FHIT: variants seen among roughly 807,000 people sequenced by gnomAD.
FHIT encodes the protein fragile histidine triad diadenosine triphosphatase.
In FHIT, 19 loss-of-function variants were observed where a neutral mutation model predicts 17.9. The ratio of observed to expected loss-of-function variants is 1.06; its 90% CI spans 0.74 to 1.56. The LOEUF is 1.56. Among genes scored for constraint, FHIT ranks in the 40% most tolerant of loss-of-function variants. The pLI is 0.00. For synonymous variants in FHIT, 81 were observed against 69.7 expected, an observed-to-expected ratio of 1.16 and a Z score of -0.81; for missense variants, 248 against 189.2, an observed-to-expected ratio of 1.31 and a Z score of -1.82.
chr3:61,203,927 C>CA (rs1364054362), intron 1 of FHIT, among the ~76,000 whole-genome samples: 2 of 152,116 alleles, frequency 1.3e-5, no homozygotes, highest in South Asian at 4.1e-4. Context: ...GCCAGGATGG[C>CA]AAAAAATACA....
chr3:61,063,243 G>A (rs895458020), intron 2 of FHIT, among the ~76,000 whole-genome samples: 4 of 36,648 alleles, frequency 1.1e-4, no homozygotes, highest in Admixed American at 8.6e-4. Context: ...GCGACAGAGC[G>A]AGACTCTGTC....
chr3:60,441,792 A>ACATGTGTGTGTGTG (rs2030885316), intron 5 of FHIT, among the ~76,000 whole-genome samples: 3 of 13,840 alleles, frequency 2.2e-4, no homozygotes, highest in Non-Finnish European at 5.3e-4. Context: ...AAATATATAT[A>ACATGTGTGTGTGTG]TATATATATA....
At chr3:60,603,903 G>A (rs1398983396) in intron 4 of FHIT, among the ~76,000 whole-genome samples, 3 of 151,986 alleles carry the variant, frequency 2.0e-5, no homozygotes, top group Non-Finnish European at 4.4e-5. Flanking sequence ...CTATGTGCCC[G>A]GCTGCATGCC....
chr3:59,806,551 C>G (rs1044239634), intron 8 of FHIT, among the ~76,000 whole-genome samples: 6 of 152,066 alleles, frequency 3.9e-5, no homozygotes, highest in African/African-American at 1.4e-4. Context: ...CTGCTTGACT[C>G]TCTCCTACCA....
At chr3:60,341,577 T>G (rs540542291) in intron 5 of FHIT, among the ~76,000 whole-genome samples, 1 of 152,276 alleles carries the variant, frequency 6.6e-6, no homozygotes, top group African/African-American at 2.4e-5. Context: ...ATTGGTTGCT[T>G]TTTCCTGCTC....
intron 5 of FHIT, among the ~76,000 whole-genome samples, chr3:60,306,322 G>A (rs903405877): frequency 1.3e-5 from 2 of 152,060 alleles, no homozygotes; most frequent in Admixed American, 6.6e-5. Flanking sequence ...AATACATCCC[G>A]CATTATTTCA....
At chr3:60,554,408 T>C (rs2036674335) in intron 4 of FHIT, among the ~76,000 whole-genome samples, 1 of 152,184 alleles carries the variant, frequency 6.6e-6, no homozygotes, top group South Asian at 2.1e-4. Context: ...GTAATCAAAA[T>C]TTCTACTATA....
chr3:60,157,874 T>C (rs1700770444), intron 5 of FHIT, among the ~76,000 whole-genome samples: 1 of 152,036 alleles, frequency 6.6e-6, no homozygotes, highest in Admixed American at 6.5e-5. Flanking sequence ...TCTGAGCTTT[T>C]TGCTTTAGTG....
chr3:59,788,881 G>GTTTTTTTTTTTTTTTTTGTTT (rs60361063), intron 8 of FHIT, among the ~76,000 whole-genome samples: 1 of 86,804 alleles, frequency 1.2e-5, no homozygotes, highest in Non-Finnish European at 2.0e-5. Context: ...GAGTTCATAT[G>GTTTTTTTTTTTTTTTTTGTTT]TTTTTTTTTT....
At chr3:60,394,269 C>A (rs1230584385) in intron 5 of FHIT, among the ~76,000 whole-genome samples, 1 of 152,166 alleles carries the variant, frequency 6.6e-6, no homozygotes, top group South Asian at 2.1e-4. Context: ...CTCTAAATTA[C>A]AGTTCTTAAC....
chr3:59,795,833 T>G (rs1054609632), intron 8 of FHIT, among the ~76,000 whole-genome samples: 1 of 152,196 alleles, frequency 6.6e-6, no homozygotes, highest in Admixed American at 6.5e-5. Flanking sequence ...AAAAAGTGGC[T>G]GCCAGGGGAT....
intron 5 of FHIT, among the ~76,000 whole-genome samples, chr3:60,414,012 T>C (rs992408434): frequency 2.6e-5 from 4 of 152,114 alleles, no homozygotes; most frequent in East Asian, 1.9e-4. Context: ...TAACTACAAA[T>C]TGTGATAGAA....
intron 5 of FHIT, among the ~76,000 whole-genome samples, chr3:60,142,354 T>C (rs902333053): frequency 2.0e-5 from 3 of 152,242 alleles, no homozygotes; most frequent in African/African-American, 7.2e-5. Context: ...AAGTATTCAA[T>C]AAATGCTAAC....
intron 8 of FHIT, among the ~76,000 whole-genome samples, chr3:59,861,520 T>C (rs552096892): frequency 1.5e-4 from 23 of 152,218 alleles, no homozygotes; most frequent in Non-Finnish European, 3.2e-4. Context: ...TTCTTAAAAA[T>C]TTCCCCATCA....
intron 5 of FHIT, among the ~76,000 whole-genome samples, chr3:60,493,810 G>A (rs73100291): frequency 0.048 from 7,245 of 152,124 alleles, 230 homozygotes; most frequent in Middle Eastern, 0.085. Flanking sequence ...TATTCCAAGG[G>A]AAAATTATTA....
chr3:60,054,418 T>C (rs1702000989), intron 5 of FHIT, among the ~76,000 whole-genome samples: 1 of 152,100 alleles, frequency 6.6e-6, no homozygotes, highest in African/African-American at 2.4e-5. Context: ...TACTGACAAA[T>C]GTAAATGCAC....
chr3:60,002,773 A>AT (rs1473855302), intron 7 of FHIT, among the ~76,000 whole-genome samples: 1 of 152,142 alleles, frequency 6.6e-6, no homozygotes, highest in Non-Finnish European at 1.5e-5. Flanking sequence ...TGACTTTGGC[A>AT]TAAAGGGTAA....
intron 7 of FHIT, among the ~76,000 whole-genome samples, chr3:59,937,916 C>T (rs1255529232): frequency 6.6e-6 from 1 of 152,124 alleles, no homozygotes; most frequent in Non-Finnish European, 1.5e-5. Context: ...TTCCTTCTAA[C>T]TCAAGTGAGC....
intron 5 of FHIT, among the ~76,000 whole-genome samples, chr3:60,065,306 G>C (rs1001926549): frequency 2.6e-5 from 4 of 152,130 alleles, no homozygotes; most frequent in African/African-American, 4.8e-5. Context: ...GATGAATCCT[G>C]ACCTGGCCAT....
Sources: allele counts gnomAD v4.1 joint callset (sites outside exome capture counted in the v4.1 genomes callset), GRCh38; gene constraint gnomAD v4.1.1; transcripts MANE v1.5; gene names NCBI Gene and HGNC (gene_info 2026-07-23, HGNC 2026-07-21).